The following NCOR1 variants were observed in gnomAD, a reference collection of about 807,000 sequenced individuals.
The protein encoded by NCOR1 is protein phosphatase 1, regulatory subunit 109.
In NCOR1, 63 loss-of-function variants were observed where a neutral mutation model predicts 288.1. The observed-to-expected ratio is 0.22, with a 90% CI of 0.18 to 0.27. The LOEUF (loss-of-function observed/expected upper bound fraction) is 0.27. NCOR1 is among the 10% of genes least tolerant of loss of function. The pLI, the probability that NCOR1 is intolerant of heterozygous loss-of-function variation, is 1.00. For missense variants in NCOR1, 2,397 were observed against 3,019.2 expected (o/e 0.79, Z 4.83); for synonymous variants, 1,007 against 1,065.9 (o/e 0.94, Z 1.08).
chr17:16,214,934 C>T (rs1356703059), intron 1 of NCOR1, among the ~76,000 whole-genome samples: 1 of 152,238 alleles, frequency 6.6e-6, no homozygotes, highest in Non-Finnish European at 1.5e-5. Flanking sequence ...GGCTGTCAAC[C>T]TCCGCAGCCC....
At position 16,121,104 on chromosome 17, in the gene NCOR1, G is replaced by A. The variant is rs372825477; in HGVS notation, c.1800C>T (p.Ala600=). 1.4e-5 allele frequency: 23 copies of A among 1,613,932 alleles called. No homozygotes were observed. In the East Asian group the frequency reaches 1.8e-4, roughly 13 times the overall value. Residue 600 remains alanine, a synonymous_variant, in exon 16 of 46, where the codon GCC becomes GCT. Coordinates refer to ENST00000268712, the MANE Select transcript of NCOR1 (RefSeq NM_006311.4). The part of the protein sequence containing the change: ...TNEAAAASAA[A]AAATEEPPPP... ...GTGGGGGCTCTTCAGTAGCCGCTGC[G>A]GCTGCAGCACTGGCAGCTGCAGCTT... is the stretch of plus-strand genomic sequence containing the variant.
chr17:16,186,064 C>A (rs2086617682), intron 3 of NCOR1, among the ~76,000 whole-genome samples: 1 of 152,150 alleles, frequency 6.6e-6, no homozygotes, highest in Non-Finnish European at 1.5e-5. Context: ...CATTATCTGA[C>A]AGAATATTTA....
At chr17:16,199,214 A>C (rs533909966) in intron 1 of NCOR1, among the ~76,000 whole-genome samples, 2,582 of 111,754 alleles carry the variant, frequency 0.023, 54 homozygotes, top group African/African-American at 0.058. Flanking sequence ...GAAAAAAAAA[A>C]AAACACACAC....
At chr17:16,141,260 A>C (rs1001965308) in intron 11 of NCOR1, among the ~76,000 whole-genome samples, 1 of 152,138 alleles carries the variant, frequency 6.6e-6, no homozygotes, top group African/African-American at 2.4e-5. Flanking sequence ...CCTCTGACTA[A>C]ATATTGTAAT....
In NCOR1 at chr17:16,033,629, A is replaced by T. The variant is rs138600260; in HGVS notation, c.7135+1136T>A. Among the ~76,000 whole-genome samples the T allele has an allele frequency of 9.7e-3, 1,390 of 143,876 alleles. 26 individuals are homozygous for T. Among genetic ancestry groups the T allele is most frequent in the African/African-American group, 0.035 (1,325 of 38,028 alleles). 94.4% of individuals were successfully genotyped at this position (143,876 alleles called of 152,430 possible). On this transcript the variant is annotated intron_variant, in intron 45 of 45. Transcript: ENST00000268712. ...AAAAGATGGCTTATAATTCTCTGAA[A>T]CTCTAAAATTCGTAATATCCCAGTT... is the stretch of plus-strand genomic sequence containing the variant.
At chr17:16,035,530 CTTTTTTTTTTTT>C (rs966987249) in intron 44 of NCOR1, among the ~76,000 whole-genome samples, 1 of 118,340 alleles carries the variant, frequency 8.5e-6, no homozygotes, top group African/African-American at 3.1e-5. Flanking sequence ...TTCTCTTGTT[CTTTTTTTTTTTT>C]TTTTTTTTTT....
chr17:16,162,650 C>T (rs200318711), intron 5 of NCOR1, among the ~76,000 whole-genome samples: 1 of 151,950 alleles, frequency 6.6e-6, no homozygotes, highest in Admixed American at 6.6e-5. Context: ...AATCACATAC[C>T]AAATTAATAA....
chr17:16,174,170 C>T (rs1459206529), intron 3 of NCOR1, among the ~76,000 whole-genome samples: 1 of 152,122 alleles, frequency 6.6e-6, no homozygotes, highest in African/African-American at 2.4e-5. Context: ...ATGCCATTGG[C>T]TTTTTTGCAG....
At chr17:16,117,282 A>G (rs956431660) in intron 18 of NCOR1, among the ~76,000 whole-genome samples, 16 of 152,172 alleles carry the variant, frequency 1.1e-4, no homozygotes, top group African/African-American at 3.6e-4. Flanking sequence ...AAGAGTATTT[A>G]ATTCCCTTTA....
intron 37 of NCOR1, among the ~76,000 whole-genome samples, chr17:16,060,012 A>G (rs1391258739): frequency 6.6e-6 from 1 of 152,232 alleles, no homozygotes; most frequent in African/African-American, 2.4e-5. Context: ...AACATCCTAA[A>G]TCTGGTTACA....
intron 4 of NCOR1, among the ~76,000 whole-genome samples, chr17:16,167,821 C>G (rs2082302045): frequency 7.1e-6 from 1 of 140,078 alleles, no homozygotes; most frequent in Admixed American, 7.4e-5. Context: ...GATGGCACCA[C>G]TGCACTCCAA....
chr17:16,076,908 C>T (rs1193981972), intron 26 of NCOR1, among the ~76,000 whole-genome samples: 1 of 152,210 alleles, frequency 6.6e-6, no homozygotes, highest in African/African-American at 2.4e-5. Flanking sequence ...GCAATGCCTG[C>T]AGCCAGCACT....
chr17:16,160,032 A>G (rs1472829017), intron 5 of NCOR1, among the ~76,000 whole-genome samples: 1 of 151,944 alleles, frequency 6.6e-6, no homozygotes, highest in African/African-American at 2.4e-5. Flanking sequence ...GGGATTCACC[A>G]TGTTGGTCAG....
intron 41 of NCOR1, 29 bp downstream of exon 41, chr17:16,048,816 T>C (rs750340393): frequency 6.4e-7 from 1 of 1,565,276 alleles, no homozygotes; most frequent in Non-Finnish European, 8.7e-7. Flanking sequence ...ACGCCATGAA[T>C]GGTTGCTGTC....
At chr17:16,100,256 G>A (rs1176633719) in intron 20 of NCOR1, among the ~76,000 whole-genome samples, 2 of 152,166 alleles carry the variant, frequency 1.3e-5, no homozygotes, top group East Asian at 1.9e-4. Context: ...AACTGTACCT[G>A]TAAAATATAT....
intron 1 of NCOR1, among the ~76,000 whole-genome samples, chr17:16,197,851 A>C (rs1228999397): frequency 1.3e-5 from 2 of 152,136 alleles, no homozygotes. Flanking sequence ...TGTAGGACTT[A>C]AGAAAAAGTA....
chr17:16,055,532 A>C (rs1478743624), intron 40 of NCOR1, among the ~76,000 whole-genome samples: 1 of 152,166 alleles, frequency 6.6e-6, no homozygotes, highest in African/African-American at 2.4e-5. Context: ...TGGAGGATGG[A>C]GGGTGGGAGG....
intron 41 of NCOR1, among the ~76,000 whole-genome samples, chr17:16,047,374 A>G (rs2058790238): frequency 6.6e-6 from 1 of 152,228 alleles, no homozygotes. Flanking sequence ...CAGTAAATGA[A>G]TATTAATAGG....
At chr17:16,117,084 C>G (rs1181146244) in intron 18 of NCOR1, among the ~76,000 whole-genome samples, 2 of 152,184 alleles carry the variant, frequency 1.3e-5, no homozygotes, top group Non-Finnish European at 2.9e-5. Context: ...CTGGAACTTA[C>G]TTATTAAGGA....
Sources: allele counts gnomAD v4.1 joint callset (sites outside exome capture counted in the v4.1 genomes callset), GRCh38; gene constraint gnomAD v4.1.1; transcripts MANE v1.5; gene names NCBI Gene and HGNC (gene_info 2026-07-23, HGNC 2026-07-21).